ENOX2: variants seen among roughly 807,000 people sequenced by gnomAD.
The protein encoded by ENOX2 is ecto-NOX disulfide-thiol exchanger 2.
In ENOX2, 36 loss-of-function variants were observed where a neutral mutation model predicts 45.0. The observed-to-expected ratio is 0.80, with a 90% CI of 0.61 to 1.06. ENOX2 has a LOEUF of 1.06. Ranked by LOEUF, ENOX2 falls within the 50% of genes least tolerant of loss-of-function variation. ENOX2 has a pLI of 0.00. For missense variants in ENOX2, 423 were observed against 462.5 expected (o/e 0.91, Z 0.78); for synonymous variants, 174 against 152.3 (o/e 1.14, Z -1.05).
intron 2 of ENOX2, among the ~76,000 whole-genome samples, chrX:130,820,815 G>A (rs2077582729): frequency 8.9e-6 from 1 of 111,793 alleles, no homozygotes; most frequent in Non-Finnish European, 1.9e-5. Context: ...TGGGGGATGA[G>A]GAGTTGAGGA....
chrX:130,667,841 T>C, intron 7 of ENOX2, 99 bp from the exon 8 acceptor site: 1 of 596,951 alleles, frequency 1.7e-6, no homozygotes, highest in South Asian at 3.0e-5. Flanking sequence ...TTGGCAGTGA[T>C]GGGTAAATGA....
intron 5 of ENOX2, among the ~76,000 whole-genome samples, chrX:130,686,906 C>G (rs1270024453): frequency 8.9e-6 from 1 of 111,879 alleles, no homozygotes; most frequent in Non-Finnish European, 1.9e-5. Context: ...CACCAATTTA[C>G]TGGTGCTAGT....
At chrX:130,896,073 A>C (rs1328007237) in intron 2 of ENOX2, among the ~76,000 whole-genome samples, 1 of 112,153 alleles carries the variant, frequency 8.9e-6, no homozygotes, top group Non-Finnish European at 1.9e-5. Context: ...ACTGGTAAAC[A>C]CTTTACTTTT....
At chrX:130,791,859 T>C (rs2077048073) in intron 2 of ENOX2, among the ~76,000 whole-genome samples, 1 of 112,199 alleles carries the variant, frequency 8.9e-6, no homozygotes, top group Non-Finnish European at 1.9e-5. Flanking sequence ...AGTCCTTCCA[T>C]TGACCAAGAC....
chrX:130,866,286 T>G (rs760595586), intron 2 of ENOX2, among the ~76,000 whole-genome samples: 1 of 111,900 alleles, frequency 8.9e-6, no homozygotes, highest in South Asian at 3.8e-4. Flanking sequence ...TTGTCCTGAT[T>G]GATTTCTAGT....
chrX:130,751,322 C>T (rs2039215872), intron 3 of ENOX2, among the ~76,000 whole-genome samples: 1 of 112,190 alleles, frequency 8.9e-6, no homozygotes, highest in South Asian at 3.7e-4. Context: ...TGTCCAGCTT[C>T]TTTCTCTCAG....
At chrX:130,642,108 T>C (rs1309774223) in intron 10 of ENOX2, among the ~76,000 whole-genome samples, 1 of 112,396 alleles carries the variant, frequency 8.9e-6, no homozygotes, top group African/African-American at 3.2e-5. Context: ...CTGTGTAAAG[T>C]AGATTGGAAA....
chrX:130,822,747 T>C (rs1250831463), intron 2 of ENOX2, among the ~76,000 whole-genome samples: 1 of 110,523 alleles, frequency 9.0e-6, no homozygotes, highest in Non-Finnish European at 1.9e-5. Context: ...CTGCACGTTG[T>C]GCACATGTAC....
intron 2 of ENOX2, among the ~76,000 whole-genome samples, chrX:130,837,073 T>G (rs1031706400): frequency 8.9e-6 from 1 of 112,167 alleles, no homozygotes; most frequent in African/African-American, 3.2e-5. Flanking sequence ...ATACTAGGAA[T>G]TATTAAGATA....
chrX:130,623,203 G>C lies in ENOX2; in HGVS notation c.*2111C>G, dbSNP rs1281757018. Among the ~76,000 whole-genome samples the C allele has an allele frequency of 1.8e-5, 2 of 111,604 alleles. No individual in the cohort carries two copies. The highest frequency in any genetic ancestry group is 3.8e-5 in the Non-Finnish European group (2 of 53,171). On this transcript the variant is annotated 3_prime_UTR_variant, in exon 15 of 15. Transcript: ENST00000394363. ...TAACCATAAAAACTAGTATATTCAA[G>C]CAAACTGGGAGGAGTATACCTATAC...
Position 130,895,608 on chromosome X carries a change from T to C in ENOX2, c.-183+6076A>G, listed in dbSNP as rs766103018. On this transcript the variant is annotated intron_variant, in intron 2 of 14. Coordinates refer to ENST00000394363, the MANE Select transcript of ENOX2 (RefSeq NM_006375.4). ...GGCATTTGGACCAGCTTTGTTAAAGTGTGGTCACTGAAAGCTCTTTGATTC... is the reference window on the plus strand; with the variant it reads ...GGCATTTGGACCAGCTTTGTTAAAGCGTGGTCACTGAAAGCTCTTTGATTC... 7.1e-5 allele frequency among the ~76,000 whole-genome samples: 8 copies of C among 112,556 alleles called. No homozygotes were observed. The South Asian group carries it at 1.5e-3, about 21-fold the overall frequency.
intron 3 of ENOX2, among the ~76,000 whole-genome samples, chrX:130,765,552 C>G (rs1392710123): frequency 9.0e-6 from 1 of 111,088 alleles, no homozygotes; most frequent in Admixed American, 9.6e-5. Flanking sequence ...GGTTGTAGTT[C>G]ATTTGTTCTG....
At chrX:130,667,437 AG>A (rs1464046976) in intron 8 of ENOX2, 92 bp downstream of exon 8, 1 of 779,299 alleles carries the variant, frequency 1.3e-6, no homozygotes, top group East Asian at 3.1e-5. Flanking sequence ...GCCTTAACAC[AG>A]GATGGCTCTG....
Position 130,770,757 on chromosome X carries a change from T to A in ENOX2, c.-39+12790A>T, listed in dbSNP as rs187923010. ...TTATAGGATTAATGATATCATGCACTGGCAAGAAGACAGGAAATGACTCAA... is the reference window on the plus strand; with the variant it reads ...TTATAGGATTAATGATATCATGCACAGGCAAGAAGACAGGAAATGACTCAA... On this transcript the variant is annotated intron_variant, in intron 3 of 14. Coordinates refer to ENST00000394363, the MANE Select transcript of ENOX2 (RefSeq NM_006375.4). 1.8e-3 allele frequency among the ~76,000 whole-genome samples: 204 copies of A among 112,174 alleles called. 1 individual carries two copies. The highest frequency in any genetic ancestry group is 3.8e-4 in the Non-Finnish European group (20 of 53,226).
In ENOX2 at chrX:130,841,782, T is replaced by C. The variant is rs765648960; in HGVS notation, c.-182-58092A>G. 1.8e-3 allele frequency among the ~76,000 whole-genome samples: 203 copies of C among 112,071 alleles called. 2 individuals are homozygous for C. Among genetic ancestry groups the C allele is most frequent in the African/African-American group, 6.2e-3 (190 of 30,876 alleles). On this transcript the variant is annotated intron_variant, in intron 2 of 14. Transcript: ENST00000394363. ...GACAGCATTTACTGTCTTTTTAACA[T>C]AAATACATCAAGCTAGAATACATCA...
chrX:130,888,892 A>G (rs991166611), intron 2 of ENOX2, among the ~76,000 whole-genome samples: 2 of 111,618 alleles, frequency 1.8e-5, no homozygotes, highest in African/African-American at 6.5e-5. Flanking sequence ...TTTTCTTCAT[A>G]TGGTCTAGCA....
chrX:130,868,819 T>C (rs2078528910), intron 2 of ENOX2, among the ~76,000 whole-genome samples: 1 of 111,485 alleles, frequency 9.0e-6, no homozygotes, highest in East Asian at 2.8e-4. Context: ...AATTCATCTT[T>C]TCTCCCAAAT....
intron 2 of ENOX2, among the ~76,000 whole-genome samples, chrX:130,816,021 C>T (rs1054059197): frequency 6.3e-5 from 7 of 111,510 alleles, no homozygotes; most frequent in African/African-American, 9.8e-5. Context: ...CAAAGACACA[C>T]ACAGGCTCAA....
chrX:130,692,151 T>C (rs2037617538), intron 4 of ENOX2, among the ~76,000 whole-genome samples: 3 of 113,252 alleles, frequency 2.6e-5, no homozygotes, highest in Admixed American at 9.3e-5. Context: ...TGTTTATCTT[T>C]AACCATTAAG....
Sources: allele counts gnomAD v4.1 joint callset (sites outside exome capture counted in the v4.1 genomes callset), GRCh38; gene constraint gnomAD v4.1.1; transcripts MANE v1.5; gene names NCBI Gene and HGNC (gene_info 2026-07-23, HGNC 2026-07-21).